Variants in GIPC2 observed in about 807,000 individuals in gnomAD.
GIPC2 encodes the protein PDZ domain-containing protein GIPC2.
A neutral mutation model predicts 30.6 loss-of-function variants in GIPC2; 30 were observed. The ratio of observed to expected loss-of-function variants is 0.98; its 90% CI spans 0.73 to 1.33. The LOEUF (loss-of-function observed/expected upper bound fraction) is 1.33. Among genes scored for constraint, GIPC2 ranks in the 40% most tolerant of loss-of-function variants. The pLI, the probability that GIPC2 is intolerant of heterozygous loss-of-function variation, is 0.00. For synonymous variants in GIPC2, 167 were observed against 150.0 expected (o/e 1.11, Z -0.83); for missense variants, 414 against 390.3 (o/e 1.06, Z -0.51).
chr1:78,122,543 A>C (rs1423053949), intron 4 of GIPC2, among the ~76,000 whole-genome samples: 4 of 152,170 alleles, frequency 2.6e-5, no homozygotes, highest in African/African-American at 4.8e-5. Context: ...GGCAGGAGAG[A>C]GTGAGTGTGC....
At chr1:78,111,362 A>G (rs996505779) in intron 3 of GIPC2, among the ~76,000 whole-genome samples, 3 of 152,130 alleles carry the variant, frequency 2.0e-5, no homozygotes, top group African/African-American at 7.2e-5. Context: ...AGCCCATTAC[A>G]AAGTGCCCTG....
chr1:78,116,513 A>G (rs1434668988), intron 3 of GIPC2, among the ~76,000 whole-genome samples: 2 of 116,076 alleles, frequency 1.7e-5, no homozygotes, highest in Non-Finnish European at 3.5e-5. Flanking sequence ...GCCTCCCCCC[A>G]CTCCACAACA....
chr1:78,060,647 T>C (rs966870660), intron 1 of GIPC2, among the ~76,000 whole-genome samples: 1 of 152,198 alleles, frequency 6.6e-6, no homozygotes, highest in African/African-American at 2.4e-5. Context: ...TCTATAAAGC[T>C]GAAGTCCACT....
intron 5 of GIPC2, among the ~76,000 whole-genome samples, chr1:78,133,450 A>T (rs1485305720): frequency 6.6e-6 from 1 of 152,206 alleles, no homozygotes; most frequent in African/African-American, 2.4e-5. Flanking sequence ...GCATTTAAGC[A>T]TGAAAAACAC....
At position 78,062,646 on chromosome 1, in the gene GIPC2, C is replaced by T. The variant is rs1026090822; in HGVS notation, c.240+16312C>T. On this transcript the variant is annotated intron_variant, in intron 1 of 5. Transcript: ENST00000370759. Reference sequence around the variant, plus strand: ...CCTCAGCCTCCTAAGTAGCCGGGACCACAGGCGTGCCACAGTGCCCAGCTA... The same window carrying T: ...CCTCAGCCTCCTAAGTAGCCGGGACTACAGGCGTGCCACAGTGCCCAGCTA... Among the ~76,000 whole-genome samples, 15 of 151,550 alleles carry T rather than the reference C, an allele frequency of 9.9e-5. No homozygotes were observed. In the East Asian group the frequency reaches 2.7e-3, roughly 27 times the overall value.
intron 1 of GIPC2, chr1:78,069,245 A>G (rs927720737): frequency 4.1e-6 from 1 of 243,800 alleles, no homozygotes; most frequent in African/African-American, 2.3e-5. Context: ...CTGGGGCAGG[A>G]GATGGTTCAA....
rs1663027673 is a variant in GIPC2, at chr1:78,137,513, G to A, written c.*1770G>A. 1 of 152,222 alleles carries A rather than the reference G, an allele frequency of 6.6e-6. No homozygotes were observed. The highest frequency in any genetic ancestry group is 6.5e-5 in the Admixed American group (1 of 15,288). 9.4% of individuals were successfully genotyped at this position (152,222 alleles called of 1,614,324 possible). A position where few individuals can be genotyped will look rare whatever the true frequency, so the allele number is the denominator to read the frequency against. ...TTGGGCATGCATAAAGACACACTTGGTGCTGATTCCATGTGATTTATGGAA... is the reference window on the plus strand; with the variant it reads ...TTGGGCATGCATAAAGACACACTTGATGCTGATTCCATGTGATTTATGGAA... On this transcript the variant is annotated 3_prime_UTR_variant, in exon 6 of 6. Transcript: ENST00000370759.
At chr1:78,101,635 A>C (rs1444078296) in intron 3 of GIPC2, among the ~76,000 whole-genome samples, 1 of 152,176 alleles carries the variant, frequency 6.6e-6, no homozygotes, top group Non-Finnish European at 1.5e-5. Flanking sequence ...CCCATACTTA[A>C]CATGGTTCCC....
rs115953244 is a variant in GIPC2, at chr1:78,111,093, A to T, written c.608-8300A>T. 1.9e-3 allele frequency among the ~76,000 whole-genome samples: 285 copies of T among 152,304 alleles called. 2 individuals are homozygous for T. The highest frequency in any genetic ancestry group is 6.7e-3 in the African/African-American group (278 of 41,566). Reference sequence around the variant, plus strand: ...TGGTGCTCTGTAACTTCAGAGATGGAAAGTACAGAAACTGTTGGTTGAATT... The same window carrying T: ...TGGTGCTCTGTAACTTCAGAGATGGTAAGTACAGAAACTGTTGGTTGAATT... On this transcript the variant is annotated intron_variant, in intron 3 of 5. Transcript: ENST00000370759.
At chr1:78,107,947 T>G (rs1050246124) in intron 3 of GIPC2, among the ~76,000 whole-genome samples, 2 of 152,084 alleles carry the variant, frequency 1.3e-5, no homozygotes, top group African/African-American at 4.8e-5. Context: ...TTAAACAATT[T>G]TATTATAAAT....
In GIPC2 at chr1:78,138,441, A is replaced by G. The variant is rs895327271; in HGVS notation, c.*2698A>G. On this transcript the variant is annotated 3_prime_UTR_variant, in exon 6 of 6. Coordinates refer to ENST00000370759, the MANE Select transcript of GIPC2 (RefSeq NM_017655.6). ...TTTAGCAAATACACATATTCCAAGT[A>G]AAACTTTATTTAGTCCCATGTTATT... 3.9e-5 allele frequency: 6 copies of G among 152,232 alleles called. No homozygotes were observed. Among genetic ancestry groups the G allele is most frequent in the African/African-American group, 1.2e-4 (5 of 41,460 alleles). The allele number at this position is 152,232 out of a possible 1,614,324, so 9.4% of individuals were successfully genotyped here. A position where few individuals can be genotyped will look rare whatever the true frequency, so the allele number is the denominator to read the frequency against.
In GIPC2 at chr1:78,046,230, G is replaced by A. The variant is rs1263814745; in HGVS notation, c.136G>A (p.Ala46Thr). 6 of 1,605,868 alleles carry A rather than the reference G, an allele frequency of 3.7e-6. No individual in the cohort carries two copies. The highest frequency in any genetic ancestry group is 3.4e-5 in the Admixed American group (2 of 59,348). Residue 46 changes from alanine to threonine, a missense_variant, in exon 1 of 6, where the codon GCG (alanine) becomes ACG (threonine). Coordinates refer to ENST00000370759, the MANE Select transcript of GIPC2 (RefSeq NM_017655.6). Reference sequence around the variant, plus strand: ...TCCCGCACGCAGGCTGGTCTTCCACGCGCAGCTGGCGCACGGTAGTGCCAC... The same window carrying A: ...TCCCGCACGCAGGCTGGTCTTCCACACGCAGCTGGCGCACGGTAGTGCCAC... The part of the protein sequence containing the change: ...RAPARRLVFH[A>T]QLAHGSATGR...
At chr1:78,049,463 C>A (rs12123953) in intron 1 of GIPC2, among the ~76,000 whole-genome samples, 1 of 152,128 alleles carries the variant, frequency 6.6e-6, no homozygotes, top group Non-Finnish European at 1.5e-5. Context: ...ATGTAAATAA[C>A]TTTTGAGATG....
chr1:78,049,891 C>CTT, intron 1 of GIPC2, among the ~76,000 whole-genome samples: 1 of 118,538 alleles, frequency 8.4e-6, no homozygotes, highest in Non-Finnish European at 1.8e-5. Context: ...CCAGAAAAAC[C>CTT]TCTTTTTTTT....
At chr1:78,081,229 C>T (rs548557098) in intron 2 of GIPC2, among the ~76,000 whole-genome samples, 2 of 152,036 alleles carry the variant, frequency 1.3e-5, no homozygotes, top group Middle Eastern at 6.8e-3. Flanking sequence ...TTTTGACTGC[C>T]TTATTTACTT....
At chr1:78,091,697 C>CT in intron 2 of GIPC2, 2 of 773,744 alleles carry the variant, frequency 2.6e-6, no homozygotes. Context: ...TGTGATGACC[C>CT]TAGAAAGCAC....
intron 3 of GIPC2, among the ~76,000 whole-genome samples, chr1:78,118,878 T>C (rs1662623528): frequency 6.6e-6 from 1 of 152,214 alleles, no homozygotes; most frequent in Admixed American, 6.5e-5. Flanking sequence ...TAGGTTGGTA[T>C]GAGTATTAAA....
At chr1:78,096,869 T>TA (rs2100382017) in intron 3 of GIPC2, among the ~76,000 whole-genome samples, 1 of 152,340 alleles carries the variant, frequency 6.6e-6, no homozygotes, top group African/African-American at 2.4e-5. Context: ...AATAAGTTTT[T>TA]ATTTTCCAAG....
intron 3 of GIPC2, among the ~76,000 whole-genome samples, chr1:78,100,729 A>C (rs1234722877): frequency 6.6e-6 from 1 of 152,078 alleles, no homozygotes; most frequent in African/African-American, 2.4e-5. Context: ...CGGGAGTTTG[A>C]GACCAGCCTG....
Sources: allele counts gnomAD v4.1 joint callset (sites outside exome capture counted in the v4.1 genomes callset), GRCh38; gene constraint gnomAD v4.1.1; transcripts MANE v1.5; gene names NCBI Gene and HGNC (gene_info 2026-07-23, HGNC 2026-07-21).